Variants in MACROD2 observed in about 807,000 individuals in gnomAD.
The protein encoded by MACROD2 is ADP-ribose glycohydrolase MACROD2.
In MACROD2, 36 loss-of-function variants were observed where a neutral mutation model predicts 70.4. That is an observed-to-expected ratio of 0.51 (90% CI 0.39 to 0.68). The LOEUF (loss-of-function observed/expected upper bound fraction) is 0.68. Ranked by LOEUF, MACROD2 falls within the 30% of genes least tolerant of loss-of-function variation. The pLI, the probability that MACROD2 is intolerant of heterozygous loss-of-function variation, is 0.00. For missense variants in MACROD2, 496 were observed against 538.4 expected (o/e 0.92, Z 0.78); for synonymous variants, 172 against 178.8 (o/e 0.96, Z 0.30).
intron 8 of MACROD2, among the ~76,000 whole-genome samples, chr20:15,586,778 T>C (rs1350449913): frequency 6.6e-6 from 1 of 152,154 alleles, no homozygotes; most frequent in Non-Finnish European, 1.5e-5. Context: ...AAAATATCAG[T>C]AAATTTTCTG....
intron 5 of MACROD2, among the ~76,000 whole-genome samples, chr20:14,968,018 C>T (rs1023885781): frequency 5.3e-5 from 8 of 151,998 alleles, no homozygotes; most frequent in Non-Finnish European, 8.8e-5. Context: ...CAGTGGTTTT[C>T]GACAACTCTA....
intron 4 of MACROD2, among the ~76,000 whole-genome samples, chr20:14,559,289 A>G (rs953597824): frequency 2.0e-5 from 3 of 151,754 alleles, no homozygotes; most frequent in African/African-American, 4.8e-5. Flanking sequence ...ACATTTTAGC[A>G]GTGTATTTTT....
chr20:15,585,542 G>A (rs1308819429), intron 8 of MACROD2, among the ~76,000 whole-genome samples: 1 of 152,042 alleles, frequency 6.6e-6, no homozygotes, highest in Non-Finnish European at 1.5e-5. Flanking sequence ...AGCCCACAGT[G>A]CTCAGGAATT....
chr20:14,731,011 GCA>G (rs1205800153), intron 5 of MACROD2, among the ~76,000 whole-genome samples: 14 of 81,726 alleles, frequency 1.7e-4, no homozygotes, highest in African/African-American at 6.5e-4. Context: ...ACACACACAT[GCA>G]CACACACACT....
chr20:15,763,912 C>G (rs1247248256), intron 8 of MACROD2, among the ~76,000 whole-genome samples: 1 of 152,140 alleles, frequency 6.6e-6, no homozygotes, highest in Non-Finnish European at 1.5e-5. Flanking sequence ...GTGAAACATA[C>G]CCTAATTTTC....
At chr20:15,324,665 A>G (rs958226921) in intron 6 of MACROD2, among the ~76,000 whole-genome samples, 1 of 152,184 alleles carries the variant, frequency 6.6e-6, no homozygotes, top group Non-Finnish European at 1.5e-5. Context: ...TCAGGGCATT[A>G]AAAACACCTA....
At chr20:15,814,205 C>T (rs2063849467) in intron 8 of MACROD2, among the ~76,000 whole-genome samples, 1 of 152,178 alleles carries the variant, frequency 6.6e-6, no homozygotes. Context: ...TACTATGCTC[C>T]ACACAATTTT....
At chr20:14,079,747 C>T (rs560982895) in intron 2 of MACROD2, among the ~76,000 whole-genome samples, 36 of 152,268 alleles carry the variant, frequency 2.4e-4, no homozygotes, top group Middle Eastern at 3.4e-3. Context: ...GAATCAGATA[C>T]GTCCAGACAG....
chr20:14,889,851 A>G (rs2073730799), intron 5 of MACROD2, among the ~76,000 whole-genome samples: 1 of 152,182 alleles, frequency 6.6e-6, no homozygotes, highest in Non-Finnish European at 1.5e-5. Context: ...TTTCTAAAAG[A>G]TTAAGCTAGT....
At chr20:14,315,703 GACAA>G (rs2082606783) in intron 3 of MACROD2, among the ~76,000 whole-genome samples, 1 of 152,124 alleles carries the variant, frequency 6.6e-6, no homozygotes, top group African/African-American at 2.4e-5. Flanking sequence ...TTCCATTATA[GACAA>G]ACAAAACCTG....
At chr20:14,835,664 C>T (rs2073021502) in intron 5 of MACROD2, among the ~76,000 whole-genome samples, 1 of 152,064 alleles carries the variant, frequency 6.6e-6, no homozygotes. Flanking sequence ...AATCCACTTG[C>T]TCAGATACTG....
chr20:14,624,801 G>C (rs1293874139), intron 4 of MACROD2, among the ~76,000 whole-genome samples: 7 of 152,138 alleles, frequency 4.6e-5, no homozygotes, highest in African/African-American at 1.7e-4. Flanking sequence ...GAAGGAAAAA[G>C]TATGAGCTTG....
At chr20:14,876,268 T>C (rs2073549871) in intron 5 of MACROD2, among the ~76,000 whole-genome samples, 1 of 152,210 alleles carries the variant, frequency 6.6e-6, no homozygotes, top group Non-Finnish European at 1.5e-5. Context: ...CTTTATGTCT[T>C]CTTTTGAGAA....
chr20:15,537,213 C>T (rs2047888199), intron 8 of MACROD2, among the ~76,000 whole-genome samples: 1 of 152,104 alleles, frequency 6.6e-6, no homozygotes, highest in African/African-American at 2.4e-5. Flanking sequence ...GCGTAGCTCT[C>T]ATTTTCTCTT....
At chr20:14,276,892 T>C (rs1223287697) in intron 3 of MACROD2, among the ~76,000 whole-genome samples, 1 of 152,216 alleles carries the variant, frequency 6.6e-6, no homozygotes, top group African/African-American at 2.4e-5. Flanking sequence ...CTAATCTTTA[T>C]GTCTTCTTCT....
At chr20:15,479,519 C>T (rs1319669430) in intron 7 of MACROD2, among the ~76,000 whole-genome samples, 3 of 151,856 alleles carry the variant, frequency 2.0e-5, no homozygotes, top group African/African-American at 4.8e-5. Context: ...GTGATCCGCC[C>T]GCCTCGGCCT....
At chr20:15,460,582 C>A (rs2046794193) in intron 7 of MACROD2, among the ~76,000 whole-genome samples, 1 of 152,106 alleles carries the variant, frequency 6.6e-6, no homozygotes, top group South Asian at 2.1e-4. Context: ...CCCTTTGATC[C>A]ACCAGCCCTT....
intron 3 of MACROD2, among the ~76,000 whole-genome samples, chr20:14,488,294 A>G (rs2084757896): frequency 1.3e-5 from 2 of 152,328 alleles, no homozygotes; most frequent in South Asian, 2.1e-4. Context: ...AAAGCCCCAG[A>G]TTGGGTTACT....
At chr20:15,008,636 G>C (rs541424542) in intron 5 of MACROD2, among the ~76,000 whole-genome samples, 1 of 152,120 alleles carries the variant, frequency 6.6e-6, no homozygotes, top group African/African-American at 2.4e-5. Flanking sequence ...GCTCTTTGGC[G>C]CTGAGAAGGA....
Sources: gnomAD v4.1 joint callset for allele counts (sites outside exome capture counted in the v4.1 genomes callset) on GRCh38, gnomAD v4.1.1 for gene constraint, MANE v1.5 for transcripts, NCBI Gene and HGNC (gene_info 2026-07-23, HGNC 2026-07-21) for gene names.